HS2ST1: variants seen among roughly 807,000 people sequenced by gnomAD.
HS2ST1 encodes the protein heparan sulfate 2-O-sulfotransferase 1, also known as 2-O-sulfotransferase.
A neutral mutation model predicts 42.9 loss-of-function variants in HS2ST1; 18 were observed. The observed-to-expected ratio is 0.42, with a 90% CI of 0.29 to 0.62. The LOEUF is 0.62. HS2ST1 is among the 20% of genes least tolerant of loss of function. HS2ST1 has a pLI of 0.21. For synonymous variants in HS2ST1, 146 were observed against 152.9 expected, an observed-to-expected ratio of 0.95 and a Z score of 0.33; for missense variants, 334 against 433.8, an observed-to-expected ratio of 0.77 and a Z score of 2.04.
intron 1 of HS2ST1, among the ~76,000 whole-genome samples, chr1:86,997,016 G>A (rs1346516378): frequency 6.6e-6 from 1 of 152,136 alleles, no homozygotes; most frequent in Non-Finnish European, 1.5e-5. Context: ...GCCGGTGTAG[G>A]TTCGACTTGA....
At chr1:86,993,135 A>AT in intron 1 of HS2ST1, 1 of 1,600,110 alleles carries the variant, frequency 6.2e-7, no homozygotes, top group Non-Finnish European at 8.5e-7. Context: ...CAGGTACTGT[A>AT]TTTTGGGGTA....
At chr1:87,063,170 T>G (rs1382978519) in intron 1 of HS2ST1, among the ~76,000 whole-genome samples, 1 of 152,222 alleles carries the variant, frequency 6.6e-6, no homozygotes, top group Non-Finnish European at 1.5e-5. Context: ...CCACAGTTTC[T>G]TGAGCTCTTG....
chr1:86,976,359 C>T (rs1648398944), intron 1 of HS2ST1, among the ~76,000 whole-genome samples: 1 of 152,122 alleles, frequency 6.6e-6, no homozygotes, highest in Non-Finnish European at 1.5e-5. Context: ...TGTCTGGCTG[C>T]TTATTCCCAG....
intron 1 of HS2ST1, among the ~76,000 whole-genome samples, chr1:86,946,192 TG>T (rs1339734595): frequency 1.3e-5 from 2 of 152,222 alleles, no homozygotes; most frequent in Non-Finnish European, 2.9e-5. Flanking sequence ...GACGTATTTT[TG>T]TTATTATTGT....
rs1242846116 is a variant in HS2ST1 at position 87,106,815 on chromosome 1, C to T, written c.*2119C>T. ...TTGACATTACATGCTAATGAACAAA[C>T]CCAGTATGCAAGTTATTCTTGCACC... On this transcript the variant is annotated 3_prime_UTR_variant, in exon 7 of 7. Transcript: ENST00000370550. 1.3e-5 allele frequency: 2 copies of T among 151,978 alleles called. No individual in the cohort carries two copies. Among genetic ancestry groups the T allele is most frequent in the East Asian group, 1.9e-4 (1 of 5,200 alleles). 9.4% of individuals were successfully genotyped at this position (151,978 alleles called of 1,614,324 possible).
chr1:86,968,849 C>A, intron 1 of HS2ST1, among the ~76,000 whole-genome samples: 1 of 151,766 alleles, frequency 6.6e-6, no homozygotes. Flanking sequence ...GAATTTAACT[C>A]TGTTAAAAAT....
At chr1:87,018,767 G>A (rs1028688854) in intron 1 of HS2ST1, among the ~76,000 whole-genome samples, 2 of 152,086 alleles carry the variant, frequency 1.3e-5, no homozygotes, top group Non-Finnish European at 2.9e-5. Context: ...AGTTCTAAGG[G>A]TGGTGGTTGC....
At chr1:86,937,114 A>C (rs913592244) in intron 1 of HS2ST1, among the ~76,000 whole-genome samples, 6 of 152,068 alleles carry the variant, frequency 3.9e-5, no homozygotes, top group Non-Finnish European at 7.4e-5. Context: ...CCAAAAAAAA[A>C]CAAAAAGAAT....
At chr1:87,087,729 A>G (rs1651848569) in intron 3 of HS2ST1, among the ~76,000 whole-genome samples, 1 of 152,124 alleles carries the variant, frequency 6.6e-6, no homozygotes, top group Non-Finnish European at 1.5e-5. Flanking sequence ...CAAATATGTC[A>G]CAACATTGTA....
intron 1 of HS2ST1, among the ~76,000 whole-genome samples, chr1:86,954,358 A>AT (rs968788741): frequency 2.6e-5 from 4 of 152,142 alleles, no homozygotes; most frequent in African/African-American, 9.7e-5. Context: ...CCAAAAAAAA[A>AT]GGCAGTATCT....
chr1:87,102,574 A>G (rs1277161667), intron 5 of HS2ST1, among the ~76,000 whole-genome samples: 1 of 152,208 alleles, frequency 6.6e-6, no homozygotes, highest in Non-Finnish European at 1.5e-5. Flanking sequence ...TGCAAAACCT[A>G]AAATATTTAT....
At chr1:86,983,498 C>T (rs545617637) in intron 1 of HS2ST1, among the ~76,000 whole-genome samples, 3 of 152,064 alleles carry the variant, frequency 2.0e-5, no homozygotes, top group Non-Finnish European at 4.4e-5. Context: ...GGGTAAACCA[C>T]CCTTATGATC....
chr1:86,956,325 C>G (rs1220268082), intron 1 of HS2ST1, among the ~76,000 whole-genome samples: 3 of 152,148 alleles, frequency 2.0e-5, no homozygotes, highest in Admixed American at 6.6e-5. Context: ...TAATAGAGAA[C>G]CTGCAGGCAA....
intron 1 of HS2ST1, among the ~76,000 whole-genome samples, chr1:86,992,374 TG>T (rs1191228577): frequency 1.3e-5 from 2 of 149,370 alleles, no homozygotes; most frequent in African/African-American, 2.5e-5. Context: ...TTTTTTTTTT[TG>T]TGTGTGTGAG....
At chr1:87,087,286 G>A (rs1651837886) in intron 3 of HS2ST1, among the ~76,000 whole-genome samples, 1 of 152,126 alleles carries the variant, frequency 6.6e-6, no homozygotes, top group African/African-American at 2.4e-5. Flanking sequence ...TTTTAATGCT[G>A]TACTTTCTGT....
intron 1 of HS2ST1, among the ~76,000 whole-genome samples, chr1:87,008,326 G>A (rs1254361114): frequency 2.0e-5 from 3 of 152,102 alleles, no homozygotes; most frequent in Admixed American, 6.6e-5. Flanking sequence ...GCAAAATAAT[G>A]TATAACATAT....
intron 1 of HS2ST1, among the ~76,000 whole-genome samples, chr1:87,066,358 C>T (rs920527385): frequency 2.0e-5 from 3 of 152,134 alleles, no homozygotes; most frequent in African/African-American, 7.2e-5. Flanking sequence ...GGTGCCTGGC[C>T]TGCCTGCAAT....
chr1:87,029,547 T>G (rs1650174145), intron 1 of HS2ST1, among the ~76,000 whole-genome samples: 1 of 152,176 alleles, frequency 6.6e-6, no homozygotes, highest in South Asian at 2.1e-4. Context: ...AAAATATTAG[T>G]GATAAAGCTG....
chr1:87,040,146 C>G (rs565549255), intron 1 of HS2ST1, among the ~76,000 whole-genome samples: 3 of 152,114 alleles, frequency 2.0e-5, no homozygotes, highest in African/African-American at 7.2e-5. Context: ...AGCATTTTTC[C>G]CCACAGAGGA....
Sources: allele counts gnomAD v4.1 joint callset (sites outside exome capture counted in the v4.1 genomes callset), GRCh38; gene constraint gnomAD v4.1.1; transcripts MANE v1.5; gene names NCBI Gene and HGNC (gene_info 2026-07-23, HGNC 2026-07-21).